Variants in FAM227A observed in about 807,000 individuals in gnomAD.
The protein encoded by FAM227A is family with sequence similarity 227 member A, also known as protein FAM227A.
In FAM227A, 80 loss-of-function variants were observed where a neutral mutation model predicts 74.7. That is an observed-to-expected ratio of 1.07 (90% confidence interval 0.89 to 1.29). The LOEUF (loss-of-function observed/expected upper bound fraction) is 1.29. Among genes scored for constraint, FAM227A ranks in the 50% most tolerant of loss-of-function variants. FAM227A has a pLI of 0.00. For missense variants in FAM227A, 654 were observed against 683.4 expected (o/e 0.96, Z 0.48); for synonymous variants, 237 against 241.8 (o/e 0.98, Z 0.19).
At chr22:38,645,166 C>G (rs1048324475) in intron 3 of FAM227A, among the ~76,000 whole-genome samples, 1 of 151,886 alleles carries the variant, frequency 6.6e-6, no homozygotes, top group South Asian at 2.1e-4. Flanking sequence ...CCAAGGCGGG[C>G]AGATCACGAA....
intron 1 of FAM227A, among the ~76,000 whole-genome samples, chr22:38,655,526 A>T (rs2092380990): frequency 6.6e-6 from 1 of 152,202 alleles, no homozygotes; most frequent in Non-Finnish European, 1.5e-5. Context: ...AAAAAAAAAA[A>T]AAATTAAATT....
At chr22:38,633,819 C>T (rs560875846) in intron 6 of FAM227A, among the ~76,000 whole-genome samples, 1 of 152,238 alleles carries the variant, frequency 6.6e-6, no homozygotes, top group East Asian at 1.9e-4. Flanking sequence ...GGATTACAGG[C>T]GTAAGCCACT....
chr22:38,609,023 C>T (rs1438147063), intron 11 of FAM227A, among the ~76,000 whole-genome samples: 1 of 151,894 alleles, frequency 6.6e-6, no homozygotes. Context: ...GAACTCCCAA[C>T]CTCAGGTGAT....
intron 13 of FAM227A, among the ~76,000 whole-genome samples, chr22:38,601,463 G>A (rs2091177285): frequency 6.6e-6 from 1 of 152,146 alleles, no homozygotes; most frequent in South Asian, 2.1e-4. Context: ...GGTGCAGAGG[G>A]AGCAGGTGCT....
intron 1 of FAM227A, among the ~76,000 whole-genome samples, chr22:38,650,544 TC>T (rs1342756426): frequency 7.2e-5 from 11 of 152,148 alleles, no homozygotes; most frequent in African/African-American, 2.4e-4. Context: ...AGGCCAGGGC[TC>T]CAGACTACTC....
intron 1 of FAM227A, among the ~76,000 whole-genome samples, chr22:38,651,809 AG>A (rs1434590635): frequency 6.6e-6 from 1 of 152,204 alleles, no homozygotes; most frequent in Non-Finnish European, 1.5e-5. Flanking sequence ...TGCTGGGGGC[AG>A]GGCAGAAGAG....
intron 3 of FAM227A, among the ~76,000 whole-genome samples, chr22:38,643,802 A>C (rs1329781165): frequency 1.3e-5 from 2 of 152,142 alleles, no homozygotes; most frequent in African/African-American, 4.8e-5. Flanking sequence ...ACAATGGAAT[A>C]TTTGGCACTA....
chr22:38,641,992 CGT>C lies in FAM227A; in HGVS notation c.226-2270_226-2269del, dbSNP rs535950315. On this transcript the variant is annotated intron_variant, in intron 3 of 16. Transcript: ENST00000535113. ...GTGTGTGTGCGCACGTGTGTGTGCG[CGT>C]GTGTTTGAGAATTATTGAAGGGTTT... Among the ~76,000 whole-genome samples the C allele has an allele frequency of 3.1e-4, 46 of 150,474 alleles. No individual in the cohort carries two copies. In the East Asian group the frequency reaches 4.5e-3, roughly 15 times the overall value.
intron 3 of FAM227A, among the ~76,000 whole-genome samples, chr22:38,640,870 G>A (rs2092100340): frequency 6.6e-6 from 1 of 152,108 alleles, no homozygotes; most frequent in African/African-American, 2.4e-5. Context: ...TGGTCTGCAT[G>A]AGTGAAAGGT....
chr22:38,596,493 C>T (rs2091047153), intron 15 of FAM227A, among the ~76,000 whole-genome samples: 2 of 152,154 alleles, frequency 1.3e-5, no homozygotes, highest in African/African-American at 4.8e-5. Context: ...CTGCAGCAGG[C>T]TGTAATTGAG....
chr22:38,594,865 G>A (rs576292535), intron 15 of FAM227A, among the ~76,000 whole-genome samples: 103 of 152,276 alleles, frequency 6.8e-4, no homozygotes, highest in African/African-American at 2.3e-3. Context: ...TTGGGAGGCC[G>A]AGGGGGGTGG....
Position 38,583,171 on chromosome 22 carries a change from CTTTT to C in FAM227A, c.*2950_*2953del, listed in dbSNP as rs34386912. On this transcript the variant is annotated 3_prime_UTR_variant, in exon 17 of 17. Coordinates refer to ENST00000535113, the MANE Select transcript of FAM227A (RefSeq NM_001013647.2). ...CACGTTCTGGTTTCAGAAGACTATA[CTTTT>C]TTTTTTTTTTTTTTGAGATGGAGTT... 2.1e-3 allele frequency: 524 copies of C among 244,300 alleles called. 3 individuals carry two copies. The highest frequency in any genetic ancestry group is 8.8e-3 in the African/African-American group (304 of 34,660). The allele number at this position is 244,300 out of a possible 1,614,324, so 15.1% of individuals were successfully genotyped here.
chr22:38,625,031 T>C (rs2091767084), intron 9 of FAM227A, among the ~76,000 whole-genome samples: 1 of 151,946 alleles, frequency 6.6e-6, no homozygotes, highest in Non-Finnish European at 1.5e-5. Flanking sequence ...CTATAAATGG[T>C]AGCTTTTAAT....
At chr22:38,610,266 C>T (rs1268001400) in intron 11 of FAM227A, among the ~76,000 whole-genome samples, 1 of 152,160 alleles carries the variant, frequency 6.6e-6, no homozygotes, top group Non-Finnish European at 1.5e-5. Context: ...CTCAAGCCAT[C>T]CTCCCACGTT....
intron 16 of FAM227A, among the ~76,000 whole-genome samples, chr22:38,589,454 A>G (rs2090885893): frequency 6.6e-6 from 1 of 152,246 alleles, no homozygotes; most frequent in South Asian, 2.1e-4. Flanking sequence ...TGACTATCAT[A>G]GTTCCAGAAA....
intron 16 of FAM227A, among the ~76,000 whole-genome samples, chr22:38,590,808 C>T (rs1433860902): frequency 1.3e-5 from 2 of 151,792 alleles, no homozygotes. Flanking sequence ...TTTTTTGAGA[C>T]GGAGTCTCAT....
At chr22:38,624,217 C>T (rs557368025) in intron 9 of FAM227A, among the ~76,000 whole-genome samples, 2 of 152,074 alleles carry the variant, frequency 1.3e-5, no homozygotes, top group South Asian at 2.1e-4. Context: ...CCAGCCTGAC[C>T]AACATGGTGA....
rs75464485 is a variant in FAM227A at position 38,578,779 on chromosome 22, G to C, written c.*7346C>G. Reference sequence around the variant, plus strand: ...GCGGGAAAGGCAGAAGGAACACAGAGGCTTATTTGGGGAACTGCAAGTGGT... The same window carrying C: ...GCGGGAAAGGCAGAAGGAACACAGACGCTTATTTGGGGAACTGCAAGTGGT... On this transcript the variant is annotated 3_prime_UTR_variant, in exon 17 of 17. Coordinates refer to ENST00000535113, the MANE Select transcript of FAM227A (RefSeq NM_001013647.2). 1 of 152,148 alleles carries C rather than the reference G, an allele frequency of 6.6e-6. No homozygotes were observed. Among genetic ancestry groups the C allele is most frequent in the Non-Finnish European group, 1.5e-5 (1 of 68,034 alleles). The allele number at this position is 152,148 out of a possible 1,614,324, so 9.4% of individuals were successfully genotyped here.
chr22:38,633,199 G>A (rs926812380), intron 6 of FAM227A, among the ~76,000 whole-genome samples: 1 of 152,190 alleles, frequency 6.6e-6, no homozygotes, highest in Non-Finnish European at 1.5e-5. Flanking sequence ...AGGTCCTTTC[G>A]AAGACGGGGC....
Sources: allele counts gnomAD v4.1 joint callset (sites outside exome capture counted in the v4.1 genomes callset), GRCh38; gene constraint gnomAD v4.1.1; transcripts MANE v1.5; gene names NCBI Gene and HGNC (gene_info 2026-07-23, HGNC 2026-07-21).